WASHC5: variants seen among roughly 807,000 people sequenced by gnomAD.
WASHC5 encodes WASH complex subunit strumpellin.
WASHC5 carries 101 observed loss-of-function variants against 150.4 expected under a neutral mutation model. That is an observed-to-expected ratio of 0.67 (90% confidence interval 0.57 to 0.79). WASHC5 has a LOEUF of 0.79. Ranked by LOEUF, WASHC5 falls within the 30% of genes least tolerant of loss-of-function variation. The probability of loss-of-function intolerance (pLI) is 0.00; values close to 1 mark genes in which losing one functional copy is unlikely to be tolerated. For missense variants in WASHC5, 1,195 were observed against 1,396.3 expected (o/e 0.86, Z 2.30); for synonymous variants, 467 against 491.2 (o/e 0.95, Z 0.65).
intron 5 of WASHC5, among the ~76,000 whole-genome samples, chr8:125,079,184 C>A (rs1480147367): frequency 4.8e-5 from 5 of 105,010 alleles, no homozygotes; most frequent in Non-Finnish European, 5.6e-5. Flanking sequence ...GTATATATAA[C>A]CTTTTTTTTT....
chr8:125,081,187 ATGTAATTGT>A (rs1179266282), intron 5 of WASHC5, among the ~76,000 whole-genome samples: 2 of 151,294 alleles, frequency 1.3e-5, no homozygotes, highest in Admixed American at 1.3e-4. Context: ...ATTATGAAAT[ATGTAATTGT>A]TATATACCTA....
intron 1 of WASHC5, among the ~76,000 whole-genome samples, chr8:125,087,332 G>A (rs554886207): frequency 1.3e-5 from 2 of 152,216 alleles, no homozygotes; most frequent in South Asian, 4.1e-4. Context: ...TTTCCTTACA[G>A]GAATTGTGCC....
chr8:125,026,611 T>G (rs1815385128), intron 28 of WASHC5, among the ~76,000 whole-genome samples: 1 of 152,134 alleles, frequency 6.6e-6, no homozygotes, highest in African/African-American at 2.4e-5. Flanking sequence ...GGGGACTAAG[T>G]TGCTATTTTT....
chr8:125,057,478 G>C, intron 15 of WASHC5, 78 bp downstream of exon 15: 1 of 936,314 alleles, frequency 1.1e-6, no homozygotes, highest in Non-Finnish European at 1.7e-6. Context: ...TATACTTTTG[G>C]GGGGCCTAAG....
At chr8:125,053,054 G>A (rs1312385734) in intron 17 of WASHC5, among the ~76,000 whole-genome samples, 2 of 151,496 alleles carry the variant, frequency 1.3e-5, no homozygotes, top group Non-Finnish European at 2.9e-5. Flanking sequence ...AAAACAGTAT[G>A]GGTATCATAT....
chr8:125,053,979 T>C (rs1181375130), intron 17 of WASHC5, among the ~76,000 whole-genome samples: 3 of 152,204 alleles, frequency 2.0e-5, no homozygotes, highest in Non-Finnish European at 1.5e-5. Context: ...GTAACACCAC[T>C]GTAAGTCAAG....
chr8:125,033,500 T>C (rs1038344668), intron 26 of WASHC5, among the ~76,000 whole-genome samples: 4 of 151,572 alleles, frequency 2.6e-5, no homozygotes, highest in Non-Finnish European at 4.4e-5. Flanking sequence ...ACTACAGAAC[T>C]GTAAGAAAAA....
Position 125,071,501 on chromosome 8 carries a change from A to C in WASHC5, c.1150+1652T>G, listed in dbSNP as rs146840383. Among the ~76,000 whole-genome samples the C allele has an allele frequency of 2.0e-5, 3 of 152,296 alleles. No homozygotes were observed. In the East Asian group the frequency reaches 5.8e-4, roughly 29 times the overall value. On this transcript the variant is annotated intron_variant, in intron 9 of 28. Transcript: ENST00000318410. ...GGCCCATATGTTTTTCTGTACTTTC[A>C]AAATCGTATCACTTATTCCATCATT...
intron 17 of WASHC5, among the ~76,000 whole-genome samples, chr8:125,055,344 A>C (rs1179188624): frequency 6.6e-6 from 1 of 152,056 alleles, no homozygotes; most frequent in African/African-American, 2.4e-5. Flanking sequence ...AATCACTTGA[A>C]CCCGGGAGGT....
chr8:125,083,712 C>T lies in WASHC5; in HGVS notation c.186+1G>A, dbSNP rs758391206. On this transcript the variant is annotated splice_donor_variant, in intron 2 of 28. Coordinates refer to ENST00000318410, the MANE Select transcript of WASHC5 (RefSeq NM_014846.4). LOFTEE classifies it high-confidence loss of function. The stretch of plus-strand genomic sequence containing the variant: ...ATAAAAATGCTATAGAGGAAGATTA[C>T]CTTAAAATAGCTGAAATCAAATATG... 7 of 1,607,826 alleles carry T rather than the reference C, an allele frequency of 4.4e-6. No individual in the cohort carries two copies.
intron 15 of WASHC5, 117 bp from the exon 16 acceptor site, chr8:125,056,934 C>A: frequency 1.6e-6 from 2 of 1,215,630 alleles, no homozygotes; most frequent in Non-Finnish European, 1.2e-6. Context: ...TGTAAAAGAG[C>A]TGTTTTAATA....
At position 125,032,146 on chromosome 8, in the gene WASHC5, T is replaced by A. The variant is rs986394334; in HGVS notation, c.3335+95A>T. On this transcript the variant is annotated intron_variant, in intron 27 of 28. Transcript: ENST00000318410. ...GAGAAGGGTGAGCAACCATTTCCCA[T>A]CTCTATTAGGGCGATAAGAGGAATT... 6.4e-6 allele frequency: 9 copies of A among 1,401,168 alleles called. No homozygotes were observed. In the Admixed American group the frequency reaches 8.4e-5, roughly 13 times the overall value. 86.8% of individuals were successfully genotyped at this position (1,401,168 alleles called of 1,614,324 possible). A position where few individuals can be genotyped will look rare whatever the true frequency, so the allele number is the denominator to read the frequency against.
chr8:125,070,514 A>C (rs1816867080), intron 9 of WASHC5, among the ~76,000 whole-genome samples: 1 of 152,220 alleles, frequency 6.6e-6, no homozygotes, highest in African/African-American at 2.4e-5. Context: ...AGTCACACAG[A>C]AGATGAAGAT....
chr8:125,065,367 A>C (rs12542833), intron 10 of WASHC5, among the ~76,000 whole-genome samples: 78,451 of 151,828 alleles, frequency 0.52, 24,412 homozygotes, highest in African/African-American at 0.88. Flanking sequence ...GAAGACCTCT[A>C]ATGAGGTGGT....
chr8:125,056,685 G>A lies in WASHC5; in HGVS notation c.2008C>T (p.Arg670Ter), dbSNP rs762401591. The change falls in exon 16 of 29, where the codon CGA becomes TGA. Residue 670 changes from arginine to a stop codon, truncating the protein, a stop_gained. Transcript: ENST00000318410. LOFTEE classifies it high-confidence loss of function. ...TCAGAGGGACACAGCACCTCGTATC[G>A]TGGGCCTAGCTGAGCATAGTCCCTC... ...KLRDYAQLGPRYEVAKLTHAI... is the reference protein window; with the variant it reads ...KLRDYAQLGP 12 of 1,613,962 alleles carry A rather than the reference G, an allele frequency of 7.4e-6. No individual in the cohort carries two copies. Among genetic ancestry groups the A allele is most frequent in the African/African-American group, 1.3e-5 (1 of 74,910 alleles).
Position 125,083,872 on chromosome 8 carries a change from G to A in WASHC5, c.27C>T (p.Asn9=). The A allele has an allele frequency of 6.2e-7, 1 of 1,613,958 alleles. No individual in the cohort carries two copies. The highest frequency in any genetic ancestry group is 8.5e-7 in the Non-Finnish European group (1 of 1,179,958). Residue 9 remains asparagine, a synonymous_variant, in exon 2 of 29, where the codon AAC becomes AAT. Transcript: ENST00000318410. MLDFLAEN[N]LCGQAILRIV... ...TCCTTAGGATTGCTTGGCCACAGAG[G>A]TTGTTCTCGGCTAGAAAGTCCAACA...
At chr8:125,060,401 G>A (rs1816558258) in intron 12 of WASHC5, among the ~76,000 whole-genome samples, 1 of 151,516 alleles carries the variant, frequency 6.6e-6, no homozygotes, top group Non-Finnish European at 1.5e-5. Flanking sequence ...CAGGACAATC[G>A]CTGGAACCCA....
At chr8:125,081,236 C>CTTT (rs35035456) in intron 5 of WASHC5, among the ~76,000 whole-genome samples, 11 of 129,146 alleles carry the variant, frequency 8.5e-5, no homozygotes, top group African/African-American at 1.8e-4. Flanking sequence ...AAGAATCTTA[C>CTTT]TTTTTTTTTT....
At chr8:125,038,673 G>A (rs1012644323) in intron 25 of WASHC5, among the ~76,000 whole-genome samples, 157 bp downstream of exon 25, 1 of 152,218 alleles carries the variant, frequency 6.6e-6, no homozygotes, top group Non-Finnish European at 1.5e-5. Flanking sequence ...GGCGGGGAAA[G>A]TGTGATGATT....
Sources: allele counts gnomAD v4.1 joint callset (sites outside exome capture counted in the v4.1 genomes callset), GRCh38; gene constraint gnomAD v4.1.1; transcripts MANE v1.5; gene names NCBI Gene and HGNC (gene_info 2026-07-23, HGNC 2026-07-21).